Variants in DRAM2 observed in about 807,000 individuals in gnomAD.
DRAM2 encodes DNA damage regulated autophagy modulator 2.
DRAM2 carries 26 observed loss-of-function variants against 33.5 expected under a neutral mutation model. The observed-to-expected ratio is 0.78, with a 90% CI of 0.57 to 1.08. The LOEUF is 1.08. DRAM2 is among the 50% of genes least tolerant of loss of function. DRAM2 has a pLI of 0.00. For missense variants in DRAM2, 311 were observed against 318.1 expected (o/e 0.98, Z 0.17); for synonymous variants, 98 against 109.5 (o/e 0.89, Z 0.66).
chr1:111,138,293 A>G (rs1014484471), intron 2 of DRAM2, among the ~76,000 whole-genome samples: 2 of 152,238 alleles, frequency 1.3e-5, no homozygotes. Flanking sequence ...GCGAATGACA[A>G]CTGAGGAATT....
intron 4 of DRAM2, 142 bp from the exon 5 acceptor site, chr1:111,126,436 A>C (rs1348337536): frequency 1.8e-6 from 1 of 545,166 alleles, no homozygotes; most frequent in Non-Finnish European, 3.4e-6. Context: ...CATTTTATAC[A>C]GAGAACATGA....
chr1:111,120,212 A>G (rs778731365), intron 7 of DRAM2, among the ~76,000 whole-genome samples: 1 of 151,758 alleles, frequency 6.6e-6, no homozygotes, highest in African/African-American at 2.4e-5. Context: ...ATCTTTAACT[A>G]GATAATGGTT....
At chr1:111,129,046 C>T (rs1219061268) in intron 4 of DRAM2, among the ~76,000 whole-genome samples, 2 of 152,210 alleles carry the variant, frequency 1.3e-5, no homozygotes, top group African/African-American at 2.4e-5. Flanking sequence ...TCTTCCCAAA[C>T]TGCATCCAAT....
chr1:111,129,582 A>G (rs1188913126), intron 4 of DRAM2, among the ~76,000 whole-genome samples: 3 of 152,202 alleles, frequency 2.0e-5, no homozygotes, highest in Non-Finnish European at 4.4e-5. Flanking sequence ...TGATGCAACA[A>G]TTCTAAAGAT....
At chr1:111,138,194 CTT>C (rs1653656063) in intron 2 of DRAM2, among the ~76,000 whole-genome samples, 1 of 152,140 alleles carries the variant, frequency 6.6e-6, no homozygotes, top group African/African-American at 2.4e-5. Flanking sequence ...TACGAATTAT[CTT>C]GGATTCGTAT....
intron 4 of DRAM2, among the ~76,000 whole-genome samples, chr1:111,130,685 G>A (rs1239369149): frequency 2.0e-5 from 3 of 149,480 alleles, no homozygotes; most frequent in Admixed American, 6.7e-5. Flanking sequence ...GGGCGATAGA[G>A]TGAGATTCCA....
At position 111,124,722 on chromosome 1, in the gene DRAM2, T is replaced by C. The variant is rs1650649465; in HGVS notation, c.339+20A>G. 6 of 1,612,664 alleles carry C rather than the reference T, an allele frequency of 3.7e-6. No homozygotes were observed. The East Asian group carries it at 1.1e-4, about 30-fold the overall frequency. On this transcript the variant is annotated intron_variant, in intron 6 of 9. Coordinates refer to ENST00000484310, the MANE Select transcript of DRAM2 (RefSeq NM_001349884.2). ...TTTATGTACTTAAGGAAAATACCTA[T>C]GCTGGGCTAAAACACAAACCTGGAA...
chr1:111,118,465 T>C (rs367589844), intron 9 of DRAM2, 198 bp from the exon 10 acceptor site: 27 of 503,270 alleles, frequency 5.4e-5, no homozygotes, highest in African/African-American at 5.0e-4. Flanking sequence ...TTCATAAAGT[T>C]CCCTGTTTTT....
chr1:111,117,762 T>G lies in DRAM2; in HGVS notation c.*398A>C. 1 of 179,832 alleles carries G rather than the reference T, an allele frequency of 5.6e-6. No individual in the cohort carries two copies. 11.1% of individuals were successfully genotyped at this position (179,832 alleles called of 1,614,324 possible). On this transcript the variant is annotated 3_prime_UTR_variant, in exon 10 of 10. Coordinates refer to ENST00000484310, the MANE Select transcript of DRAM2 (RefSeq NM_001349884.2). ...GGATTTACTGACTAATGCTGATTATTTAGTCATGGAAAATGTCTCTCATAA... is the reference window on the plus strand; with the variant it reads ...GGATTTACTGACTAATGCTGATTATGTAGTCATGGAAAATGTCTCTCATAA...
intron 8 of DRAM2, among the ~76,000 whole-genome samples, chr1:111,119,285 G>A (rs1188454833): frequency 6.6e-6 from 1 of 151,890 alleles, no homozygotes; most frequent in Non-Finnish European, 1.5e-5. Context: ...TAATATATGG[G>A]TTACAATTGG....
chr1:111,124,487 T>C (rs767554951), intron 6 of DRAM2, among the ~76,000 whole-genome samples: 2 of 152,238 alleles, frequency 1.3e-5, no homozygotes, highest in Non-Finnish European at 2.9e-5. Flanking sequence ...TAAGTAGTAA[T>C]GAAGACTCTA....
At chr1:111,120,823 A>G in intron 6 of DRAM2, 130 bp from the exon 7 acceptor site, 1 of 691,320 alleles carries the variant, frequency 1.4e-6, no homozygotes, top group Non-Finnish European at 2.1e-6. Context: ...CCAATTCTAC[A>G]AACAAATTAC....
intron 2 of DRAM2, among the ~76,000 whole-genome samples, chr1:111,137,920 A>C (rs1653588682): frequency 6.6e-6 from 1 of 152,246 alleles, no homozygotes; most frequent in Admixed American, 6.5e-5. Context: ...ATTATTAAGC[A>C]AAATAAAGCA....
chr1:111,126,391 C>CT lies in DRAM2; in HGVS notation c.132-98dup. ...GAATATCAGGAGTTAATTCAAACCT[C>CT]TTATCTTTTATAAATCCATGAGTTC... On this transcript the variant is annotated intron_variant, in intron 4 of 9. Coordinates refer to ENST00000484310, the MANE Select transcript of DRAM2 (RefSeq NM_001349884.2). 3 of 693,382 alleles carry CT rather than the reference C, an allele frequency of 4.3e-6. No homozygotes were observed. The Middle Eastern group carries it at 8.4e-4, about 193-fold the overall frequency. 43.0% of individuals were successfully genotyped at this position (693,382 alleles called of 1,614,324 possible). A position where few individuals can be genotyped will look rare whatever the true frequency, so the allele number is the denominator to read the frequency against.
chr1:111,135,389 A>G (rs982082503), intron 3 of DRAM2, among the ~76,000 whole-genome samples: 3 of 152,040 alleles, frequency 2.0e-5, no homozygotes, highest in African/African-American at 7.3e-5. Flanking sequence ...CTATCAGCCA[A>G]ATGCCCCCAA....
intron 4 of DRAM2, 80 bp downstream of exon 4, chr1:111,131,344 T>C: frequency 7.1e-7 from 1 of 1,400,214 alleles, no homozygotes; most frequent in Non-Finnish European, 9.7e-7. Flanking sequence ...TTTAAAAGGT[T>C]GACATTAAAT....
intron 6 of DRAM2, among the ~76,000 whole-genome samples, chr1:111,123,662 T>C (rs667478): frequency 0.25 from 37,816 of 152,016 alleles, 5,834 homozygotes; most frequent in African/African-American, 0.42. Flanking sequence ...AATTTGATCC[T>C]CAATGTTGGA....
chr1:111,134,896 G>A (rs1312770093), intron 3 of DRAM2, among the ~76,000 whole-genome samples: 6 of 151,880 alleles, frequency 4.0e-5, no homozygotes, highest in South Asian at 2.1e-4. Context: ...TTACCAACCC[G>A]GGCCAACTTT....
Position 111,139,654 on chromosome 1 carries a change from C to T in DRAM2, c.-232G>A, listed in dbSNP as rs1401895734. 6.6e-6 allele frequency: 1 copy of T among 152,320 alleles called. No individual in the cohort carries two copies. Among genetic ancestry groups the T allele is most frequent in the African/African-American group, 2.4e-5 (1 of 41,474 alleles). The allele number at this position is 152,320 out of a possible 1,614,324, so 9.4% of individuals were successfully genotyped here. On this transcript the variant is annotated 5_prime_UTR_variant, in exon 2 of 10. Coordinates refer to ENST00000484310, the MANE Select transcript of DRAM2 (RefSeq NM_001349884.2). Reference sequence around the variant, plus strand: ...AAGCACTAGGCCGTTTGAGGATCTCCGCTCCGCTTTGCCTGGGACCAGGAA... The same window carrying T: ...AAGCACTAGGCCGTTTGAGGATCTCTGCTCCGCTTTGCCTGGGACCAGGAA...
Sources: allele counts gnomAD v4.1 joint callset (sites outside exome capture counted in the v4.1 genomes callset), GRCh38; gene constraint gnomAD v4.1.1; transcripts MANE v1.5; gene names NCBI Gene and HGNC (gene_info 2026-07-23, HGNC 2026-07-21).